The following PDE1A variants were observed in gnomAD, a reference collection of about 807,000 sequenced individuals.
PDE1A encodes phosphodiesterase 1A, also known as dual specificity calcium/calmodulin-dependent 3',5'-cyclic nucleotide phosphodiesterase 1A.
PDE1A carries 35 observed loss-of-function variants against 61.7 expected under a neutral mutation model. The ratio of observed to expected loss-of-function variants is 0.57; its 90% CI spans 0.43 to 0.75. PDE1A has a LOEUF of 0.75. Ranked by LOEUF, PDE1A falls within the 30% of genes least tolerant of loss-of-function variation. The probability of loss-of-function intolerance (pLI) is 0.00; values close to 1 mark genes in which losing one functional copy is unlikely to be tolerated. For synonymous variants in PDE1A, 232 were observed against 213.2 expected, an observed-to-expected ratio of 1.09 and a Z score of -0.77; for missense variants, 597 against 630.6, an observed-to-expected ratio of 0.95 and a Z score of 0.57.
chr2:182,354,252 T>G (rs1018526592), intron 1 of PDE1A, among the ~76,000 whole-genome samples: 1 of 152,140 alleles, frequency 6.6e-6, no homozygotes. Flanking sequence ...CAGAAACAAA[T>G]GCCCAGCTAT....
At position 182,227,916 on chromosome 2, in the gene PDE1A, T is replaced by C. The variant is rs73046053; in HGVS notation, c.675+2090A>G. On this transcript the variant is annotated intron_variant, in intron 6 of 13. Transcript: ENST00000351439. ...CAAAGTGTGGAAGACTGTTTCTGTGTAGTCAGTGCACTAAAAATTCCAAAG... is the reference window on the plus strand; with the variant it reads ...CAAAGTGTGGAAGACTGTTTCTGTGCAGTCAGTGCACTAAAAATTCCAAAG... Among the ~76,000 whole-genome samples the C allele has an allele frequency of 7.1e-3, 1,079 of 152,218 alleles. 10 individuals are homozygous for C. The highest frequency in any genetic ancestry group is 0.024 in the African/African-American group (992 of 41,550).
intron 3 of PDE1A, among the ~76,000 whole-genome samples, chr2:182,236,383 C>A (rs1574103795): frequency 6.8e-6 from 1 of 146,898 alleles, no homozygotes; most frequent in African/African-American, 2.5e-5. Flanking sequence ...CCATCTGTTT[C>A]TAGTCATTAC....
At chr2:182,462,160 T>TG (rs1271445654) in intron 2 of PDE1A, among the ~76,000 whole-genome samples, 2 of 143,616 alleles carry the variant, frequency 1.4e-5, no homozygotes, top group Admixed American at 7.0e-5. Flanking sequence ...TGTTGTGGGG[T>TG]GGGGGGAGCG....
chr2:182,224,480 T>A (rs761533181), intron 6 of PDE1A, among the ~76,000 whole-genome samples: 127 of 151,972 alleles, frequency 8.4e-4, no homozygotes, highest in Non-Finnish European at 2.2e-4. Flanking sequence ...TCACAAATTT[T>A]TCTATTCATA....
intron 2 of PDE1A, among the ~76,000 whole-genome samples, chr2:182,499,174 T>TTTTTTTTTTTTTG (rs1491109376): frequency 2.5e-4 from 7 of 27,458 alleles, no homozygotes; most frequent in African/African-American, 1.1e-3. Flanking sequence ...CTTTTTCTTG[T>TTTTTTTTTTTTTG]TTTTTTTTTT....
At chr2:182,306,964 T>C (rs1356658269) in intron 1 of PDE1A, among the ~76,000 whole-genome samples, 9 of 152,066 alleles carry the variant, frequency 5.9e-5, no homozygotes, top group African/African-American at 1.2e-4. Flanking sequence ...TACATCAAAC[T>C]AAAAAGTTTC....
intron 1 of PDE1A, among the ~76,000 whole-genome samples, chr2:182,335,154 A>T (rs1697711322): frequency 6.6e-6 from 1 of 152,198 alleles, no homozygotes; most frequent in Admixed American, 6.5e-5. Flanking sequence ...ATGCTCATGG[A>T]TAGGAAGAAT....
upstream of PDE1A, among the ~76,000 whole-genome samples, chr2:182,526,739 T>C (rs1434622872): frequency 5.9e-5 from 9 of 152,188 alleles, no homozygotes; most frequent in Non-Finnish European, 1.5e-5. Flanking sequence ...CAAATTTCTT[T>C]GGAGGAATGA....
chr2:182,349,450 T>G (rs1210232190), intron 1 of PDE1A, among the ~76,000 whole-genome samples: 1 of 152,338 alleles, frequency 6.6e-6, no homozygotes. Flanking sequence ...TATGTTTAGA[T>G]TTTGTCATGT....
chr2:182,387,608 T>C (rs925918212), intron 1 of PDE1A, among the ~76,000 whole-genome samples: 1 of 151,644 alleles, frequency 6.6e-6, no homozygotes, highest in Non-Finnish European at 1.5e-5. Flanking sequence ...AAATACAAAA[T>C]TAGCCAGGTG....
chr2:182,458,823 A>T (rs1304063795), intron 2 of PDE1A, among the ~76,000 whole-genome samples: 2 of 152,116 alleles, frequency 1.3e-5, no homozygotes, highest in Non-Finnish European at 2.9e-5. Flanking sequence ...AACTTAAGCC[A>T]TCATAAATTC....
the PDE1A span, among the ~76,000 whole-genome samples, chr2:182,551,963 A>G: frequency 2.0e-4 from 30 of 152,242 alleles, 1 homozygote; most frequent in East Asian, 5.8e-3. Context: ...GCTAGAGATT[A>G]CTCTGGATGA....
chr2:182,286,028 T>C (rs1574253312), intron 1 of PDE1A, among the ~76,000 whole-genome samples: 1 of 152,190 alleles, frequency 6.6e-6, no homozygotes, highest in Non-Finnish European at 1.5e-5. Context: ...TTTACTTGAT[T>C]TGTAGAGAAA....
intron 2 of PDE1A, among the ~76,000 whole-genome samples, chr2:182,483,631 A>G (rs1217073439): frequency 6.6e-6 from 1 of 151,962 alleles, no homozygotes; most frequent in Non-Finnish European, 1.5e-5. Flanking sequence ...AATGTATGAG[A>G]TATACCTAAA....
the PDE1A span, among the ~76,000 whole-genome samples, chr2:182,615,458 G>C: frequency 5.1e-4 from 78 of 152,204 alleles, no homozygotes; most frequent in African/African-American, 1.8e-3. Flanking sequence ...GCAACACTTA[G>C]GAAAAACCCA....
intron 2 of PDE1A, among the ~76,000 whole-genome samples, chr2:182,479,796 T>C (rs1021743195): frequency 1.3e-5 from 2 of 151,910 alleles, no homozygotes; most frequent in Non-Finnish European, 2.9e-5. Flanking sequence ...TGCATTACAA[T>C]TTCTTGCTTT....
downstream of PDE1A, among the ~76,000 whole-genome samples, chr2:182,164,140 C>G (rs534053989): frequency 3.9e-5 from 6 of 152,292 alleles, no homozygotes; most frequent in African/African-American, 9.6e-5. Context: ...TGGGGAGACA[C>G]AGCAGTATTC....
chr2:182,664,462 C>T, the PDE1A span, among the ~76,000 whole-genome samples: 1 of 152,124 alleles, frequency 6.6e-6, no homozygotes, highest in Non-Finnish European at 1.5e-5. Flanking sequence ...AGGAAAGCCT[C>T]ACAGTGGCAG....
intron 1 of PDE1A, among the ~76,000 whole-genome samples, chr2:182,412,361 T>C (rs1320890497): frequency 6.6e-6 from 1 of 152,202 alleles, no homozygotes; most frequent in Non-Finnish European, 1.5e-5. Flanking sequence ...TATCTGACTC[T>C]AGAGCATAGT....
Sources: allele counts gnomAD v4.1 joint callset (sites outside exome capture counted in the v4.1 genomes callset), GRCh38; gene constraint gnomAD v4.1.1; transcripts MANE v1.5; gene names NCBI Gene and HGNC (gene_info 2026-07-23, HGNC 2026-07-21).